The following FBLN1 variants were observed in gnomAD, a reference collection of about 807,000 sequenced individuals.
FBLN1 encodes fibulin-1.
Under a neutral mutation model 89.7 loss-of-function variants are expected in FBLN1, and 34 were observed. The ratio of observed to expected loss-of-function variants is 0.38; its 90% CI spans 0.29 to 0.50. The LOEUF is 0.50. FBLN1 is among the 20% of genes least tolerant of loss of function. The probability of loss-of-function intolerance (pLI) is 0.92; values close to 1 mark genes in which losing one functional copy is unlikely to be tolerated. For synonymous variants in FBLN1, 393 were observed against 391.3 expected, an observed-to-expected ratio of 1.00 and a Z score of -0.05; for missense variants, 777 against 988.1, an observed-to-expected ratio of 0.79 and a Z score of 2.86.
chr22:45,528,026 C>G lies in FBLN1; in HGVS notation c.484+17C>G, dbSNP rs369669745. 1.2e-6 allele frequency: 2 copies of G among 1,613,708 alleles called. No homozygotes were observed. Among genetic ancestry groups the G allele is most frequent in the Non-Finnish European group, 1.7e-6 (2 of 1,179,716 alleles). On this transcript the variant is annotated intron_variant, in intron 4 of 16. Transcript: ENST00000327858. ...AAGAAACGGGTAACTTTCCCCCTTCCTTCCCTAATGAGCAGTGTATTAAGG... is the reference window on the plus strand; with the variant it reads ...AAGAAACGGGTAACTTTCCCCCTTCGTTCCCTAATGAGCAGTGTATTAAGG...
chr22:45,574,044 G>A lies in FBLN1; in HGVS notation c.1698-467G>A, dbSNP rs895206058. Among the ~76,000 whole-genome samples the A allele has an allele frequency of 2.6e-5, 4 of 152,154 alleles. No individual in the cohort carries two copies. Among genetic ancestry groups the A allele is most frequent in the African/African-American group, 9.7e-5 (4 of 41,426 alleles). Reference sequence around the variant, plus strand: ...CCCTGTGCTGGGCACCGAGCTTGGCGCTTTCTATCTGCTCCTTCGTTTATT... The same window carrying A: ...CCCTGTGCTGGGCACCGAGCTTGGCACTTTCTATCTGCTCCTTCGTTTATT... On this transcript the variant is annotated intron_variant, in intron 14 of 16. Coordinates refer to ENST00000327858, the MANE Select transcript of FBLN1 (RefSeq NM_006486.3). This position sits in a 1 kb window ranked among gnomAD's most constrained non-coding sequence, Gnocchi z 4.1.
Position 45,561,489 on chromosome 22 carries a change from A to G in FBLN1, c.1697+10874A>G, listed in dbSNP as rs1041921379. On this transcript the variant is annotated intron_variant, in intron 14 of 16. Transcript: ENST00000327858. This position sits in a 1 kb window ranked among gnomAD's most constrained non-coding sequence, Gnocchi z 4.7. ...CATGAGCGATGAATCAGGAGTTTCA[A>G]ATGCGTTTATTTTTCATAACTCTCT... 1.3e-5 allele frequency among the ~76,000 whole-genome samples: 2 copies of G among 152,188 alleles called. No homozygotes were observed. Among genetic ancestry groups the G allele is most frequent in the Non-Finnish European group, 2.9e-5 (2 of 68,040 alleles).
chr22:45,586,327 G>A (rs1291198379), intron 16 of FBLN1, among the ~76,000 whole-genome samples: 1 of 152,232 alleles, frequency 6.6e-6, no homozygotes, highest in African/African-American at 2.4e-5. Flanking sequence ...GCCTCTGCAG[G>A]AGGAGACAGC....
intron 14 of FBLN1, among the ~76,000 whole-genome samples, chr22:45,553,950 C>T (rs1268043588): frequency 1.3e-5 from 2 of 152,258 alleles, no homozygotes; most frequent in Non-Finnish European, 2.9e-5. Flanking sequence ...TGCTGACCAG[C>T]CCCATCCAGG....
chr22:45,539,451 GGCTTCCCAAAGTGCTGGGATT>G (rs1028545841), intron 8 of FBLN1, among the ~76,000 whole-genome samples: 1 of 151,906 alleles, frequency 6.6e-6, no homozygotes, highest in African/African-American at 2.4e-5. Flanking sequence ...TCCACCCCTC[GGCTTCCCAAAGTGCTGGGATT>G]GCAGGCGTGA....
chr22:45,591,971 C>T lies in FBLN1; in HGVS notation c.1973-8336C>T, dbSNP rs573020602. 2.1e-4 allele frequency among the ~76,000 whole-genome samples: 30 copies of T among 145,378 alleles called. 1 individual carries two copies. Among genetic ancestry groups the T allele is most frequent in the African/African-American group, 6.9e-4 (27 of 39,136 alleles). On this transcript the variant is annotated intron_variant, in intron 16 of 16. Transcript: ENST00000327858. ...CAGACAGGAGGGAGGAAGTGTCCTG[C>T]GCGCCATTTTGCAGACAGGAGGGAG...
rs775878593 is a variant in FBLN1 at position 45,564,530 on chromosome 22, T to C, written c.1698-9981T>C. ...ACGTGCTTTGCACCCTTGGCCTGAA[T>C]GTTGCTTAAACTCCAGCTCATGTGC... On this transcript the variant is annotated intron_variant, in intron 14 of 16. Coordinates refer to ENST00000327858, the MANE Select transcript of FBLN1 (RefSeq NM_006486.3). Among the ~76,000 whole-genome samples, 13 of 152,360 alleles carry C rather than the reference T, an allele frequency of 8.5e-5. No individual in the cohort carries two copies. The South Asian group carries it at 2.7e-3, about 32-fold the overall frequency.
At chr22:45,598,777 T>C (rs898130896) in intron 16 of FBLN1, among the ~76,000 whole-genome samples, 1 of 152,222 alleles carries the variant, frequency 6.6e-6, no homozygotes, top group Non-Finnish European at 1.5e-5. Flanking sequence ...TCTGCTCTGG[T>C]GGGAAGGCCG....
Position 45,580,205 on chromosome 22 carries a change from A to G in FBLN1, c.1972+3097A>G, listed in dbSNP as rs749024178. Among the ~76,000 whole-genome samples, 1 of 151,984 alleles carries G rather than the reference A, an allele frequency of 6.6e-6. No individual in the cohort carries two copies. The highest frequency in any genetic ancestry group is 1.5e-5 in the Non-Finnish European group (1 of 67,992). ...ATTTCAAGCAGTGACTTAGGCAGAAACCCTTCATGGTGGTGGAGAGGAAGA... is the reference window on the plus strand; with the variant it reads ...ATTTCAAGCAGTGACTTAGGCAGAAGCCCTTCATGGTGGTGGAGAGGAAGA... On this transcript the variant is annotated intron_variant, in intron 16 of 16. Transcript: ENST00000327858. The surrounding 1 kb of genome is among the most constrained non-coding windows in gnomAD (Gnocchi z 8.6).
chr22:45,554,939 AG>A (rs1246219615), intron 14 of FBLN1, among the ~76,000 whole-genome samples: 2 of 152,118 alleles, frequency 1.3e-5, no homozygotes, highest in Admixed American at 1.3e-4. Flanking sequence ...AATCTGTAAC[AG>A]GAAGTTGGAA....
rs1480601739 is a variant in FBLN1, at chr22:45,580,761, C to T, written c.1972+3653C>T. 6.6e-6 allele frequency among the ~76,000 whole-genome samples: 1 copy of T among 152,082 alleles called. No homozygotes were observed. Among genetic ancestry groups the T allele is most frequent in the Non-Finnish European group, 1.5e-5 (1 of 68,016 alleles). On this transcript the variant is annotated intron_variant, in intron 16 of 16. Transcript: ENST00000327858. The surrounding 1 kb of genome is among the most constrained non-coding windows in gnomAD (Gnocchi z 8.6). ...CAATCAGCGCACAGGCCCCGGGGCT[C>T]GCCGTGTTCAGTCCTCCCAGAGTAA...
chr22:45,524,377 C>T (rs1056166040), intron 2 of FBLN1, among the ~76,000 whole-genome samples: 5 of 152,350 alleles, frequency 3.3e-5, no homozygotes, highest in East Asian at 1.9e-4. Flanking sequence ...AGCCCGCCCA[C>T]GCCAGCCCCT....
At chr22:45,523,312 G>T in intron 2 of FBLN1, 1 of 586,250 alleles carries the variant, frequency 1.7e-6, no homozygotes, top group Non-Finnish European at 3.2e-6. Context: ...GGGGCCATGA[G>T]ATAGAGGCTG....
chr22:45,556,447 G>GTT lies in FBLN1; in HGVS notation c.1697+5843_1697+5844dup, dbSNP rs61208738. ...TTCAGCAAGCACCTTGGCAGATCTT[G>GTT]TTTTTTTTTTTTCCTGGTGGAGTGA... On this transcript the variant is annotated intron_variant, in intron 14 of 16. Coordinates refer to ENST00000327858, the MANE Select transcript of FBLN1 (RefSeq NM_006486.3). The surrounding 1 kb of genome is among the most constrained non-coding windows in gnomAD (Gnocchi z 4.6). Among the ~76,000 whole-genome samples the GTT allele has an allele frequency of 1.4e-5, 2 of 145,708 alleles. No homozygotes were observed. Among genetic ancestry groups the GTT allele is most frequent in the African/African-American group, 5.0e-5 (2 of 39,760 alleles).
In FBLN1 at chr22:45,580,612, C is replaced by G. The variant is rs1290675168; in HGVS notation, c.1972+3504C>G. ...GAGATTTGCCCGAGGCCACTCAGAGCTGGGGCCAGAGCGGGCCTGGAGCCC... is the reference window on the plus strand; with the variant it reads ...GAGATTTGCCCGAGGCCACTCAGAGGTGGGGCCAGAGCGGGCCTGGAGCCC... On this transcript the variant is annotated intron_variant, in intron 16 of 16. Coordinates refer to ENST00000327858, the MANE Select transcript of FBLN1 (RefSeq NM_006486.3). The surrounding 1 kb of genome is among the most constrained non-coding windows in gnomAD (Gnocchi z 8.6). Among the ~76,000 whole-genome samples, 1 of 152,256 alleles carries G rather than the reference C, an allele frequency of 6.6e-6. No homozygotes were observed.
At chr22:45,584,921 A>G (rs1195392416) in intron 16 of FBLN1, among the ~76,000 whole-genome samples, 1 of 152,226 alleles carries the variant, frequency 6.6e-6, no homozygotes, top group African/African-American at 2.4e-5. Context: ...TATCTTATTC[A>G]TTCAACAAGA....
intron 11 of FBLN1, 117 bp from the exon 12 acceptor site, chr22:45,546,968 C>T (rs770418388): frequency 9.1e-5 from 138 of 1,523,606 alleles, no homozygotes; most frequent in Admixed American, 1.0e-4. Flanking sequence ...TCTGTCTCTC[C>T]GAGTGTGTTA....
rs963301965 is a variant in FBLN1, at chr22:45,537,192, G to A, written c.922+1855G>A. Among the ~76,000 whole-genome samples the A allele has an allele frequency of 6.6e-6, 1 of 152,246 alleles. No individual in the cohort carries two copies. Among genetic ancestry groups the A allele is most frequent in the Admixed American group, 6.5e-5 (1 of 15,288 alleles). On this transcript the variant is annotated intron_variant, in intron 8 of 16. Transcript: ENST00000327858. This position sits in a 1 kb window ranked among gnomAD's most constrained non-coding sequence, Gnocchi z 5.7. ...CCTCTCCCCTGCCATGAGCAAGGGG[G>A]TATACATTTCCATCTTGCTTCGATT...
chr22:45,522,568 G>T (rs548495072), intron 2 of FBLN1, among the ~76,000 whole-genome samples: 1 of 152,330 alleles, frequency 6.6e-6, no homozygotes, highest in South Asian at 2.1e-4. Context: ...ACCATGGGCT[G>T]TAGCCAAGCA....
Sources: allele counts gnomAD v4.1 joint callset (sites outside exome capture counted in the v4.1 genomes callset), GRCh38; gene constraint gnomAD v4.1.1; non-coding constraint Gnocchi (gnomAD v3.1); transcripts MANE v1.5; gene names NCBI Gene and HGNC (gene_info 2026-07-23, HGNC 2026-07-21).